Variants in DUSP4 observed in about 807,000 individuals in gnomAD.
DUSP4 encodes dual specificity phosphatase 4, also known as dual specificity protein phosphatase 4.
DUSP4 carries 12 observed loss-of-function variants against 27.2 expected under a neutral mutation model. That is an observed-to-expected ratio of 0.44 (90% confidence interval 0.28 to 0.71). The LOEUF (loss-of-function observed/expected upper bound fraction) is 0.71, where lower values mean the gene tolerates loss of function less well. Among genes scored for constraint, DUSP4 ranks in the 30% least tolerant of loss-of-function variants. The pLI is 0.14. For synonymous variants in DUSP4, 257 were observed against 245.2 expected (o/e 1.05, Z -0.45); for missense variants, 448 against 551.3 (o/e 0.81, Z 1.88).
At chr8:29,348,272 A>G (rs1817764349) in intron 1 of DUSP4, 2 of 985,454 alleles carry the variant, frequency 2.0e-6, no homozygotes, top group Non-Finnish European at 2.4e-6. Flanking sequence ...TCCCAGAGGA[A>G]TTGCCCTCAT....
Position 29,340,168 on chromosome 8 carries a change from G to A in DUSP4, c.509C>T (p.Pro170Leu), listed in dbSNP as rs371579846. 1.6e-5 allele frequency: 26 copies of A among 1,611,704 alleles called. No homozygotes were observed. Among genetic ancestry groups the A allele is most frequent in the African/African-American group, 1.1e-4 (8 of 74,844 alleles). ...KTKALAAIPP[P>L]VPPSATEPLD... is the part of the protein sequence containing the mutation. ...GGGCTCTGTGGCACTGGGGGGAACC[G>A]GGGGTGGGATGGCTGCCAGGGCCTT... is the stretch of plus-strand genomic sequence containing the variant. The change falls in exon 2 of 4, where the codon CCG (proline) becomes CTG (leucine). Residue 170 changes from proline to leucine, a missense_variant. Around this residue, in one of 3 missense-constraint regions of DUSP4, gnomAD observed 345 missense variants for 394.0 expected, o/e 0.88. Transcript: ENST00000240100.
intron 1 of DUSP4, among the ~76,000 whole-genome samples, chr8:29,344,577 C>T (rs930784002): frequency 2.0e-5 from 3 of 152,066 alleles, no homozygotes; most frequent in African/African-American, 7.2e-5. Flanking sequence ...AGAATAACTC[C>T]ATCTACAGTT....
intron 1 of DUSP4, among the ~76,000 whole-genome samples, chr8:29,342,125 C>A (rs1010546146): frequency 6.6e-6 from 1 of 152,052 alleles, no homozygotes; most frequent in Non-Finnish European, 1.5e-5. Context: ...GCAGGCCCCA[C>A]GGTCACAGAG....
At chr8:29,344,944 C>G (rs1817706543) in intron 1 of DUSP4, among the ~76,000 whole-genome samples, 1 of 152,076 alleles carries the variant, frequency 6.6e-6, no homozygotes, top group African/African-American at 2.4e-5. Flanking sequence ...TGGGCTCAAG[C>G]AATCTCCTTG....
Position 29,350,602 on chromosome 8 carries a change from C to T in DUSP4, c.-324G>A, listed in dbSNP as rs532951091. 380 of 304,264 alleles carry T rather than the reference C, an allele frequency of 1.2e-3. 1 individual carries two copies. Among genetic ancestry groups the T allele is most frequent in the African/African-American group, 7.8e-3 (361 of 46,066 alleles). 18.8% of individuals were successfully genotyped at this position (304,264 alleles called of 1,614,324 possible). The stretch of plus-strand genomic sequence containing the variant: ...GGCGACGGCCTCCCGTGTATTTTTG[C>T]CGGTCGCGCGGCTCCTGTCGCCACT... On this transcript the variant is annotated 5_prime_UTR_variant, in exon 1 of 4. Transcript: ENST00000240100.
At chr8:29,349,179 C>A (rs1817784933) in intron 1 of DUSP4, among the ~76,000 whole-genome samples, 2 of 152,230 alleles carry the variant, frequency 1.3e-5, no homozygotes, top group Admixed American at 6.5e-5. Context: ...ACCGGTTCCG[C>A]CCGGCGTCCC....
chr8:29,347,700 G>A (rs895215534), intron 1 of DUSP4: 2 of 964,834 alleles, frequency 2.1e-6, no homozygotes, highest in East Asian at 2.3e-4. Flanking sequence ...ACTACGAGAG[G>A]CAGTGCAGGC....
chr8:29,349,083 G>C (rs1176810698), intron 1 of DUSP4, among the ~76,000 whole-genome samples: 1 of 152,168 alleles, frequency 6.6e-6, no homozygotes, highest in Non-Finnish European at 1.5e-5. Context: ...GCTAAAATCC[G>C]GCACGCGCCG....
intron 1 of DUSP4, among the ~76,000 whole-genome samples, chr8:29,347,224 T>C (rs1246397008): frequency 6.6e-6 from 1 of 152,192 alleles, no homozygotes; most frequent in Non-Finnish European, 1.5e-5. Context: ...TGCACTGGCT[T>C]CCAGGCATGG....
intron 1 of DUSP4, chr8:29,348,028 C>G: frequency 1.5e-5 from 15 of 985,534 alleles, no homozygotes; most frequent in Non-Finnish European, 1.8e-5. Flanking sequence ...CTGGAGCTGC[C>G]GCTCTAGGGC....
In DUSP4 at chr8:29,337,118, C is replaced by T. The variant is rs147027609; in HGVS notation, c.1093G>A (p.Val365Ile). ...KTPATPTSQFVFSFPVSVGVH... is the reference protein window; with the variant it reads ...KTPATPTSQFIFSFPVSVGVH... ...CCCACGGAGACCGGAAAGCTGAAGA[C>T]GAACTGCGAGGTGGGGGTGGCGGGG... Residue 365 changes from valine to isoleucine, a missense_variant, in exon 4 of 4, where the codon GTC becomes ATC. Physicochemically the swap from Val to Ile is conservative, Grantham distance 29. Coordinates refer to ENST00000240100, the MANE Select transcript of DUSP4 (RefSeq NM_001394.7). The surrounding 1 kb of genome is among the most constrained non-coding windows in gnomAD (Gnocchi z 6.4). 156 of 1,610,624 alleles carry T rather than the reference C, an allele frequency of 9.7e-5. 2 individuals are homozygous for T. Among genetic ancestry groups the T allele is most frequent in the Non-Finnish European group, 1.2e-4 (139 of 1,178,578 alleles).
chr8:29,347,006 C>A (rs1456052814), intron 1 of DUSP4, among the ~76,000 whole-genome samples: 2 of 152,226 alleles, frequency 1.3e-5, no homozygotes. Context: ...TACAGACACG[C>A]ACAGGCACAC....
At position 29,342,212 on chromosome 8, in the gene DUSP4, A is replaced by G. The variant is rs1464013735; in HGVS notation, c.434-1969T>C. Among the ~76,000 whole-genome samples the G allele has an allele frequency of 2.0e-5, 3 of 152,206 alleles. No individual in the cohort carries two copies. The East Asian group carries it at 5.8e-4, about 29-fold the overall frequency. ...GGATGTTGTCTCCATTGCTGAGGGT[A>G]TGGAACAGGGCACTGGAGTGAAGTT... On this transcript the variant is annotated intron_variant, in intron 1 of 3. Coordinates refer to ENST00000240100, the MANE Select transcript of DUSP4 (RefSeq NM_001394.7).
At position 29,350,348 on chromosome 8, in the gene DUSP4, A is replaced by T. The variant is rs984316723; in HGVS notation, c.-70T>A. 1.3e-6 allele frequency: 2 copies of T among 1,493,800 alleles called. No individual in the cohort carries two copies. Among genetic ancestry groups the T allele is most frequent in the African/African-American group, 2.8e-5 (2 of 71,478 alleles). The allele number at this position is 1,493,800 out of a possible 1,614,324, so 92.5% of individuals were successfully genotyped here. ...GAACCCGGGCCGCCTAGGCTGCAGA[A>T]AGGGGCGGGCGAGAGCTAAGAAGGG... On this transcript the variant is annotated 5_prime_UTR_variant, in exon 1 of 4. Coordinates refer to ENST00000240100, the MANE Select transcript of DUSP4 (RefSeq NM_001394.7).
In DUSP4 at chr8:29,340,089, C is replaced by T. The variant is rs760783680; in HGVS notation, c.579+9G>A. 1.3e-5 allele frequency: 21 copies of T among 1,558,568 alleles called. No homozygotes were observed. The highest frequency in any genetic ancestry group is 7.2e-5 in the East Asian group (3 of 41,824). On this transcript the variant is annotated intron_variant, in intron 2 of 3. Coordinates refer to ENST00000240100, the MANE Select transcript of DUSP4 (RefSeq NM_001394.7). ...CCCCCCACTTCCAAGCCCTGCCCCC[C>T]GAGTCTACCTGGTCGTGTAGTGGGG...
intron 1 of DUSP4, among the ~76,000 whole-genome samples, chr8:29,343,364 G>A (rs1817683246): frequency 6.6e-6 from 1 of 152,134 alleles, no homozygotes; most frequent in Non-Finnish European, 1.5e-5. Flanking sequence ...GGGTGAGAAC[G>A]ATATGTTCTG....
chr8:29,347,967 C>A (rs1330963722), intron 1 of DUSP4: 1 of 985,514 alleles, frequency 1.0e-6, no homozygotes, highest in East Asian at 1.1e-4. Context: ...CCTCTCTCCC[C>A]GGGAGCGGGG....
Position 29,337,121 on chromosome 8 carries a change from A to AAG in DUSP4, c.1089_1090insCT (p.Phe364LeufsTer60). 1 of 1,610,952 alleles carries AAG rather than the reference A, an allele frequency of 6.2e-7. No individual in the cohort carries two copies. ...ACGGAGACCGGAAAGCTGAAGACGA[A>AAG]CTGCGAGGTGGGGGTGGCGGGGGTC... On this transcript the variant is annotated frameshift_variant, in exon 4 of 4. Coordinates refer to ENST00000240100, the MANE Select transcript of DUSP4 (RefSeq NM_001394.7). LOFTEE classifies it high-confidence loss of function. This position sits in a 1 kb window ranked among gnomAD's most constrained non-coding sequence, Gnocchi z 6.4.
In DUSP4 at chr8:29,337,331, A is replaced by G; in HGVS notation, c.880T>C (p.Tyr294His). The change falls in exon 4 of 4, where the codon TAC (tyrosine) becomes CAC (histidine). Residue 294 changes from tyrosine to histidine, a missense_variant. This residue lies in a region of DUSP4 where 100 missense variants were observed against 139.8 expected (regional missense o/e 0.72). Coordinates refer to ENST00000240100, the MANE Select transcript of DUSP4 (RefSeq NM_001394.7). The surrounding 1 kb of genome is among the most constrained non-coding windows in gnomAD (Gnocchi z 6.4). ...ISRSATICLA[Y>H]LMMKKRVRLE... ...CTCACCCGTTTCTTCATCATCAGGT[A>G]GGCCAGGCAGATGGTGGCCGACCGC... 1 of 1,612,444 alleles carries G rather than the reference A, an allele frequency of 6.2e-7. No homozygotes were observed. Among genetic ancestry groups the G allele is most frequent in the Non-Finnish European group, 8.5e-7 (1 of 1,179,996 alleles).
Sources: gnomAD v4.1 joint callset for allele counts (sites outside exome capture counted in the v4.1 genomes callset) on GRCh38, gnomAD v4.1.1 for gene constraint, gnomAD v4.1.1 regional missense constraint, Gnocchi (gnomAD v3.1) non-coding constraint, MANE v1.5 for transcripts, NCBI Gene and HGNC (gene_info 2026-07-23, HGNC 2026-07-21) for gene names.